PDE1A: variants seen among roughly 807,000 people sequenced by gnomAD.
The protein encoded by PDE1A is phosphodiesterase 1A.
A neutral mutation model predicts 61.7 loss-of-function variants in PDE1A; 35 were observed. The observed-to-expected ratio is 0.57, with a 90% CI of 0.43 to 0.75. PDE1A has a LOEUF of 0.75. PDE1A is among the 30% of genes least tolerant of loss of function. PDE1A has a pLI of 0.00. For synonymous variants in PDE1A, 232 were observed against 213.2 expected (o/e 1.09, Z -0.77); for missense variants, 597 against 630.6 (o/e 0.95, Z 0.57).
At chr2:182,308,645 T>C (rs1053361845) in intron 1 of PDE1A, among the ~76,000 whole-genome samples, 2 of 152,104 alleles carry the variant, frequency 1.3e-5, no homozygotes. Flanking sequence ...TTTTTTAAAC[T>C]TTAAACAACA....
At chr2:182,476,046 T>C (rs1293974541) in intron 2 of PDE1A, among the ~76,000 whole-genome samples, 1 of 151,964 alleles carries the variant, frequency 6.6e-6, no homozygotes, top group Non-Finnish European at 1.5e-5. Flanking sequence ...CTAAATTTTA[T>C]ACATGAGCAC....
chr2:182,702,323 G>A, the PDE1A span, among the ~76,000 whole-genome samples: 12 of 152,210 alleles, frequency 7.9e-5, 2 homozygotes, highest in South Asian at 2.3e-3. Flanking sequence ...AGCTGGTCTC[G>A]AACTCCTGAC....
intron 13 of PDE1A, among the ~76,000 whole-genome samples, chr2:182,172,975 G>C (rs529642802): frequency 8.6e-5 from 13 of 151,980 alleles, no homozygotes; most frequent in Non-Finnish European, 1.8e-4. Flanking sequence ...TATGAACCAA[G>C]ATCTAGATAT....
chr2:182,699,013 AAC>A, the PDE1A span, among the ~76,000 whole-genome samples: 1 of 152,220 alleles, frequency 6.6e-6, no homozygotes, highest in Non-Finnish European at 1.5e-5. Flanking sequence ...ATCAGGCAGT[AAC>A]ACTGTTATTC....
intron 1 of PDE1A, among the ~76,000 whole-genome samples, chr2:182,414,840 A>G (rs1296154175): frequency 6.6e-6 from 1 of 152,156 alleles, no homozygotes; most frequent in East Asian, 1.9e-4. Context: ...TCCAGATTAA[A>G]CACACGGATC....
At chr2:182,194,037 A>G (rs1685932093) in intron 10 of PDE1A, among the ~76,000 whole-genome samples, 1 of 152,198 alleles carries the variant, frequency 6.6e-6, no homozygotes, top group Non-Finnish European at 1.5e-5. Flanking sequence ...CTGACTGTAT[A>G]CAATTCAAGG....
chr2:182,714,191 G>C, the PDE1A span, among the ~76,000 whole-genome samples: 1 of 152,190 alleles, frequency 6.6e-6, no homozygotes, highest in Non-Finnish European at 1.5e-5. Context: ...AGCCATAACA[G>C]TAAATAAAAT....
upstream of PDE1A, among the ~76,000 whole-genome samples, chr2:182,431,136 A>G (rs1424844025): frequency 6.6e-6 from 1 of 150,934 alleles, no homozygotes; most frequent in Admixed American, 6.6e-5. Context: ...AAAAAAAAAA[A>G]AAAAACACAA....
chr2:182,708,248 C>T, the PDE1A span, among the ~76,000 whole-genome samples: 4 of 152,080 alleles, frequency 2.6e-5, no homozygotes, highest in East Asian at 3.9e-4. Context: ...CAATTATCTC[C>T]CACCGGGTCC....
At chr2:182,168,522 C>T (rs560636113) in intron 13 of PDE1A, among the ~76,000 whole-genome samples, 1 of 152,100 alleles carries the variant, frequency 6.6e-6, no homozygotes, top group Admixed American at 6.6e-5. Context: ...TAAGATGATT[C>T]ATTTTTCTTT....
intron 6 of PDE1A, among the ~76,000 whole-genome samples, chr2:182,224,565 T>C (rs905003496): frequency 1.3e-5 from 2 of 151,816 alleles, no homozygotes; most frequent in Non-Finnish European, 2.9e-5. Context: ...TAAAAATCCA[T>C]GACTATCCGC....
intron 2 of PDE1A, among the ~76,000 whole-genome samples, chr2:182,493,322 G>A (rs933515865): frequency 2.7e-5 from 4 of 149,440 alleles, no homozygotes; most frequent in Admixed American, 6.7e-5. Context: ...TAGGGTACAT[G>A]TGCACAACGT....
At chr2:182,349,684 C>T (rs570273270) in intron 1 of PDE1A, among the ~76,000 whole-genome samples, 5 of 152,058 alleles carry the variant, frequency 3.3e-5, no homozygotes, top group Admixed American at 6.6e-5. Flanking sequence ...CGCTTGAATC[C>T]GGGAGGCGGA....
At chr2:182,534,589 T>TA in the PDE1A span, among the ~76,000 whole-genome samples, 3 of 151,532 alleles carry the variant, frequency 2.0e-5, no homozygotes, top group East Asian at 1.9e-4. Flanking sequence ...TGTACCACTT[T>TA]AAAAAAAATA....
chr2:182,357,657 C>T (rs570578654), intron 1 of PDE1A, among the ~76,000 whole-genome samples: 5 of 151,994 alleles, frequency 3.3e-5, no homozygotes, highest in African/African-American at 1.2e-4. Context: ...ATATCAAATC[C>T]CAGCAGGAAT....
intron 1 of PDE1A, among the ~76,000 whole-genome samples, chr2:182,340,419 C>G (rs1308500552): frequency 6.6e-6 from 1 of 152,156 alleles, no homozygotes; most frequent in South Asian, 2.1e-4. Flanking sequence ...TGGGTTCCGA[C>G]ACCTCCTTTC....
At chr2:182,547,308 C>A in the PDE1A span, among the ~76,000 whole-genome samples, 1 of 152,132 alleles carries the variant, frequency 6.6e-6, no homozygotes, top group Admixed American at 6.5e-5. Flanking sequence ...ATGTGTCTAG[C>A]AGAACTGTCA....
intron 1 of PDE1A, among the ~76,000 whole-genome samples, chr2:182,284,651 A>C (rs1223347250): frequency 6.6e-6 from 1 of 152,092 alleles, no homozygotes; most frequent in Non-Finnish European, 1.5e-5. Context: ...CATTTACCTA[A>C]GTCAACAGAA....
At chr2:182,145,060 C>T (rs1038140894), downstream of PDE1A, among the ~76,000 whole-genome samples, 1 of 152,208 alleles carries the variant, frequency 6.6e-6, no homozygotes, top group East Asian at 1.9e-4. Flanking sequence ...TTAGACCTCA[C>T]TCATTTCCCT....
Sources: gnomAD v4.1 joint callset for allele counts (sites outside exome capture counted in the v4.1 genomes callset) on GRCh38, gnomAD v4.1.1 for gene constraint, MANE v1.5 for transcripts, NCBI Gene and HGNC (gene_info 2026-07-23, HGNC 2026-07-21) for gene names.